The following ADAM23 variants were observed in gnomAD, a reference collection of about 807,000 sequenced individuals.
The protein encoded by ADAM23 is disintegrin and metalloproteinase domain-containing protein 23.
ADAM23 carries 33 observed loss-of-function variants against 120.1 expected under a neutral mutation model. That is an observed-to-expected ratio of 0.27 (90% CI 0.21 to 0.37). The LOEUF (loss-of-function observed/expected upper bound fraction) is 0.37, where lower values mean the gene tolerates loss of function less well. Among genes scored for constraint, ADAM23 ranks in the 10% least tolerant of loss-of-function variants. The pLI is 1.00. For missense variants in ADAM23, 862 were observed against 1,058.2 expected, an observed-to-expected ratio of 0.81 and a Z score of 2.57; for synonymous variants, 367 against 375.2, an observed-to-expected ratio of 0.98 and a Z score of 0.25.
intron 10 of ADAM23, among the ~76,000 whole-genome samples, chr2:206,558,567 A>G (rs996820152): frequency 1.3e-5 from 2 of 152,166 alleles, no homozygotes; most frequent in Non-Finnish European, 2.9e-5. Flanking sequence ...CTCAGTGCCA[A>G]TTTACACCTG....
intron 3 of ADAM23, among the ~76,000 whole-genome samples, chr2:206,493,970 C>T (rs1318265211): frequency 6.6e-6 from 1 of 152,138 alleles, no homozygotes; most frequent in East Asian, 1.9e-4. Flanking sequence ...CCCCTCTCAT[C>T]TTTATTGAAG....
chr2:206,538,519 G>A (rs946633552), intron 4 of ADAM23, among the ~76,000 whole-genome samples: 1 of 152,112 alleles, frequency 6.6e-6, no homozygotes, highest in African/African-American at 2.4e-5. Context: ...GTTAAGGACT[G>A]TGTAGTTTCT....
At chr2:206,450,940 G>A (rs1007854509) in intron 2 of ADAM23, among the ~76,000 whole-genome samples, 1 of 152,220 alleles carries the variant, frequency 6.6e-6, no homozygotes, top group East Asian at 1.9e-4. Flanking sequence ...CACTGGTGGA[G>A]TGTCAGAATC....
At chr2:206,444,501 G>A (rs898492094) in intron 1 of ADAM23, among the ~76,000 whole-genome samples, 2 of 152,112 alleles carry the variant, frequency 1.3e-5, no homozygotes, top group Non-Finnish European at 2.9e-5. Context: ...CGTATCCGGC[G>A]CATTCAGTGC....
chr2:206,497,592 C>T (rs545011817), intron 3 of ADAM23, among the ~76,000 whole-genome samples: 1 of 152,234 alleles, frequency 6.6e-6, no homozygotes, highest in African/African-American at 2.4e-5. Context: ...AAAACTGGCA[C>T]AAGACAGGGA....
At position 206,619,409 on chromosome 2, in the gene ADAM23, T is replaced by C. The variant is rs1330006732; in HGVS notation, c.*1782T>C. Reference sequence around the variant, plus strand: ...AAGCTGAAGAAATTTGGTCCCGGCTTTGTTTTAATGTACAAACCGGTATGT... The same window carrying C: ...AAGCTGAAGAAATTTGGTCCCGGCTCTGTTTTAATGTACAAACCGGTATGT... On this transcript the variant is annotated 3_prime_UTR_variant, in exon 26 of 26. Coordinates refer to ENST00000264377, the MANE Select transcript of ADAM23 (RefSeq NM_003812.4). The C allele has an allele frequency of 2.0e-5, 3 of 152,208 alleles. No homozygotes were observed. Among genetic ancestry groups the C allele is most frequent in the African/African-American group, 7.2e-5 (3 of 41,460 alleles). 9.4% of individuals were successfully genotyped at this position (152,208 alleles called of 1,614,324 possible). A position where few individuals can be genotyped will look rare whatever the true frequency, so the allele number is the denominator to read the frequency against.
chr2:206,508,592 G>A (rs556835285), intron 3 of ADAM23, among the ~76,000 whole-genome samples: 44 of 150,804 alleles, frequency 2.9e-4, no homozygotes, highest in Middle Eastern at 3.4e-3. Context: ...GGAAGCAGAG[G>A]CTGCAGTGAA....
intron 25 of ADAM23, 29 bp from the exon 26 acceptor site, chr2:206,617,550 T>G: frequency 6.3e-7 from 1 of 1,586,668 alleles, no homozygotes. Flanking sequence ...CCCCCTCTGC[T>G]TGCATCTTCT....
At chr2:206,508,431 G>A (rs548985540) in intron 3 of ADAM23, among the ~76,000 whole-genome samples, 86 of 152,174 alleles carry the variant, frequency 5.7e-4, no homozygotes, top group African/African-American at 1.9e-3. Flanking sequence ...AGAGGCGAGC[G>A]GATCACCTGA....
chr2:206,516,867 G>T (rs147317192), intron 3 of ADAM23, among the ~76,000 whole-genome samples: 5 of 152,112 alleles, frequency 3.3e-5, no homozygotes, highest in African/African-American at 1.2e-4. Flanking sequence ...GTTTGATAAG[G>T]AATAATTGGA....
At chr2:206,555,381 T>C (rs1169853406) in intron 9 of ADAM23, among the ~76,000 whole-genome samples, 2 of 152,160 alleles carry the variant, frequency 1.3e-5, no homozygotes, top group African/African-American at 2.4e-5. Flanking sequence ...CTATACATCA[T>C]CCAGTCGTGG....
chr2:206,500,254 A>G (rs1696359781), intron 3 of ADAM23, among the ~76,000 whole-genome samples: 1 of 152,116 alleles, frequency 6.6e-6, no homozygotes, highest in South Asian at 2.1e-4. Flanking sequence ...AGGAAGCAAA[A>G]GAAAACTAGT....
intron 3 of ADAM23, among the ~76,000 whole-genome samples, chr2:206,509,522 C>G (rs561566083): frequency 4.6e-5 from 7 of 152,198 alleles, no homozygotes; most frequent in Middle Eastern, 3.4e-3. Context: ...GATCTTGGCT[C>G]ACTGCAACCT....
At chr2:206,484,478 G>A (rs910585583) in intron 3 of ADAM23, among the ~76,000 whole-genome samples, 1 of 152,148 alleles carries the variant, frequency 6.6e-6, no homozygotes, top group African/African-American at 2.4e-5. Flanking sequence ...ACTGCAGAGT[G>A]TGAATGAAGG....
chr2:206,550,543 G>A (rs986737400), intron 9 of ADAM23, among the ~76,000 whole-genome samples: 2 of 151,418 alleles, frequency 1.3e-5, no homozygotes, highest in Non-Finnish European at 1.5e-5. Context: ...AATTGTAGGA[G>A]GCAAACATAT....
intron 3 of ADAM23, among the ~76,000 whole-genome samples, chr2:206,494,095 A>G (rs1248769809): frequency 6.6e-6 from 1 of 152,152 alleles, no homozygotes; most frequent in Non-Finnish European, 1.5e-5. Context: ...CCATCACCTC[A>G]GATGGTTATC....
Position 206,500,912 on chromosome 2 carries a change from A to G in ADAM23, c.509+19604A>G, listed in dbSNP as rs148011755. Among the ~76,000 whole-genome samples the G allele has an allele frequency of 8.7e-4, 132 of 151,752 alleles. 1 individual carries two copies. The highest frequency in any genetic ancestry group is 2.8e-3 in the African/African-American group (115 of 41,426). ...TTACTGTTGAAGAAAGCATAGTTCA[A>G]CCTCTTTTTTGAAAGTTGGGTTTCA... On this transcript the variant is annotated intron_variant, in intron 3 of 25. Coordinates refer to ENST00000264377, the MANE Select transcript of ADAM23 (RefSeq NM_003812.4).
At chr2:206,484,940 C>T (rs761559118) in intron 3 of ADAM23, among the ~76,000 whole-genome samples, 2 of 152,250 alleles carry the variant, frequency 1.3e-5, no homozygotes, top group African/African-American at 2.4e-5. Context: ...TCTTGCCTGC[C>T]GCCATGTAAG....
At chr2:206,604,033 G>A (rs1248934342) in intron 24 of ADAM23, among the ~76,000 whole-genome samples, 4 of 151,740 alleles carry the variant, frequency 2.6e-5, no homozygotes, top group East Asian at 1.9e-4. Context: ...TTGGGAGGCC[G>A]AGGCAGGCAG....
Sources: gnomAD v4.1 joint callset for allele counts (sites outside exome capture counted in the v4.1 genomes callset) on GRCh38, gnomAD v4.1.1 for gene constraint, MANE v1.5 for transcripts, NCBI Gene and HGNC (gene_info 2026-07-23, HGNC 2026-07-21) for gene names.